CSNK2A2IP: variants seen among roughly 807,000 people sequenced by gnomAD.
CSNK2A2IP encodes the protein casein kinase 2 subunit alpha' interacting protein, also known as casein kinase II subunit alpha'-interacting protein.
At chr3:88,365,340 A>T in the CSNK2A2IP span, among the ~76,000 whole-genome samples, 2 of 152,280 alleles carry the variant, frequency 1.3e-5, no homozygotes, top group East Asian at 1.9e-4. Flanking sequence ...TTGATCATTC[A>T]TATTTATGGA....
the CSNK2A2IP span, among the ~76,000 whole-genome samples, chr3:88,423,500 T>C: frequency 6.6e-6 from 1 of 152,222 alleles, no homozygotes; most frequent in East Asian, 1.9e-4. Context: ...GGGAGCTATG[T>C]CTGGGAGAGA....
the CSNK2A2IP span, among the ~76,000 whole-genome samples, chr3:88,445,287 A>AAAAAAAAAAAAAAAAAAAAAAAAAC: frequency 6.9e-6 from 1 of 145,534 alleles, no homozygotes; most frequent in Non-Finnish European, 1.5e-5. Flanking sequence ...AAAAAAAAAA[A>AAAAAAAAAAAAAAAAAAAAAAAAAC]AAAAAAAAAA....
At chr3:88,369,114 A>G in the CSNK2A2IP span, among the ~76,000 whole-genome samples, 12 of 152,090 alleles carry the variant, frequency 7.9e-5, no homozygotes, top group Admixed American at 7.9e-4. Flanking sequence ...TTTGGAGGGC[A>G]AGGATTGGGG....
chr3:88,363,590 A>G, the CSNK2A2IP span, among the ~76,000 whole-genome samples: 4 of 152,184 alleles, frequency 2.6e-5, no homozygotes, highest in Non-Finnish European at 5.9e-5. Flanking sequence ...CATGTTTCAT[A>G]AACTTTGATG....
the CSNK2A2IP span, among the ~76,000 whole-genome samples, chr3:88,431,838 T>C: frequency 1.3e-5 from 2 of 152,080 alleles, no homozygotes; most frequent in Non-Finnish European, 2.9e-5. Flanking sequence ...GGCATACTTT[T>C]AGAAAAATTA....
chr3:88,424,110 T>A, the CSNK2A2IP span, among the ~76,000 whole-genome samples: 2 of 152,180 alleles, frequency 1.3e-5, no homozygotes, highest in South Asian at 4.1e-4. Context: ...CTCTTACTTG[T>A]CCCTACTTCT....
chr3:88,361,720 T>G, the CSNK2A2IP span, among the ~76,000 whole-genome samples: 40 of 152,258 alleles, frequency 2.6e-4, no homozygotes, highest in African/African-American at 9.6e-4. Context: ...TACTCTGATC[T>G]TTTACTTTAC....
the CSNK2A2IP span, among the ~76,000 whole-genome samples, chr3:88,422,066 ATC>A: frequency 6.6e-6 from 1 of 152,198 alleles, no homozygotes; most frequent in Admixed American, 6.5e-5. Flanking sequence ...GTTTCTGTGG[ATC>A]TCTCTGTCTC....
the CSNK2A2IP span, among the ~76,000 whole-genome samples, chr3:88,387,541 T>C: frequency 6.6e-5 from 10 of 152,200 alleles, no homozygotes; most frequent in Non-Finnish European, 1.2e-4. Context: ...TTTTATACCA[T>C]ATTTTTTATG....
the CSNK2A2IP span, among the ~76,000 whole-genome samples, chr3:88,438,384 G>A: frequency 2.0e-5 from 3 of 152,098 alleles, no homozygotes; most frequent in African/African-American, 7.2e-5. Context: ...TCTCCCCCAA[G>A]CTAGGCCTTA....
chr3:88,418,056 C>G, the CSNK2A2IP span, among the ~76,000 whole-genome samples: 3 of 151,794 alleles, frequency 2.0e-5, no homozygotes, highest in African/African-American at 2.4e-5. Flanking sequence ...GTGATTATGT[C>G]TGAACATTAT....
chr3:88,377,492 A>G, the CSNK2A2IP span, among the ~76,000 whole-genome samples: 1 of 123,540 alleles, frequency 8.1e-6, no homozygotes, highest in African/African-American at 2.5e-5. Flanking sequence ...CTGTATTACA[A>G]TTGCTTTTTT....
chr3:88,416,984 TTATTA>T, the CSNK2A2IP span, among the ~76,000 whole-genome samples: 141 of 151,682 alleles, frequency 9.3e-4, 1 homozygote, highest in African/African-American at 3.2e-3. Flanking sequence ...ATTCACTGCA[TTATTA>T]AATATTATAT....
chr3:88,455,084 T>C, the CSNK2A2IP span, among the ~76,000 whole-genome samples: 1 of 148,218 alleles, frequency 6.7e-6, no homozygotes, highest in East Asian at 2.1e-4. Context: ...TAGGGCTGAA[T>C]AATATTCCAT....
chr3:88,341,650 G>C, the CSNK2A2IP span, among the ~76,000 whole-genome samples: 1 of 151,626 alleles, frequency 6.6e-6, no homozygotes, highest in African/African-American at 2.4e-5. Flanking sequence ...GTTTCACTTT[G>C]ATTGTATCCA....
the CSNK2A2IP span, chr3:88,338,481 A>G: frequency 6.6e-6 from 1 of 152,140 alleles, no homozygotes; most frequent in Non-Finnish European, 1.5e-5. Context: ...ATTTTCCAGC[A>G]GTGAGGGTAG....
At chr3:88,462,335 T>C in the CSNK2A2IP span, among the ~76,000 whole-genome samples, 138 of 152,178 alleles carry the variant, frequency 9.1e-4, 2 homozygotes, top group African/African-American at 3.2e-3. Context: ...TAGTCTGTAG[T>C]ATATTGTAGC....
chr3:88,364,420 C>T, the CSNK2A2IP span, among the ~76,000 whole-genome samples: 1 of 151,340 alleles, frequency 6.6e-6, no homozygotes, highest in African/African-American at 2.4e-5. Flanking sequence ...TGTACTATTG[C>T]CGTGGATTCA....
the CSNK2A2IP span, among the ~76,000 whole-genome samples, chr3:88,417,453 CTAG>C: frequency 1.3e-5 from 2 of 152,126 alleles, no homozygotes; most frequent in African/African-American, 2.4e-5. Flanking sequence ...TGTGTTTGGG[CTAG>C]TGGTTCAGTG....
Sources: gnomAD v4.1 joint callset for allele counts (sites outside exome capture counted in the v4.1 genomes callset) on GRCh38, gnomAD v4.1.1 for gene constraint, MANE v1.5 for transcripts, NCBI Gene and HGNC (gene_info 2026-07-23, HGNC 2026-07-21) for gene names.